Variants in ZNF618 observed in about 807,000 individuals in gnomAD.
ZNF618 encodes the protein zinc finger protein 618, also known as neural precursor cell expressed, developmentally down-regulated 10.
Under a neutral mutation model 103.0 loss-of-function variants are expected in ZNF618, and 34 were observed. The observed-to-expected ratio is 0.33, with a 90% confidence interval of 0.25 to 0.44. ZNF618 has a LOEUF of 0.44. Ranked by LOEUF, ZNF618 falls within the 20% of genes least tolerant of loss-of-function variation. ZNF618 has a pLI of 1.00. For missense variants in ZNF618, 1,059 were observed against 1,295.4 expected, an observed-to-expected ratio of 0.82 and a Z score of 2.80; for synonymous variants, 551 against 542.2, an observed-to-expected ratio of 1.02 and a Z score of -0.23.
intron 3 of ZNF618, among the ~76,000 whole-genome samples, chr9:113,989,348 A>G (rs544955631): frequency 3.3e-5 from 5 of 152,342 alleles, no homozygotes; most frequent in African/African-American, 1.2e-4. Flanking sequence ...TCTCTGGACA[A>G]ATCACACGCC....
At chr9:113,909,847 C>T (rs543684752) in intron 1 of ZNF618, among the ~76,000 whole-genome samples, 9 of 151,748 alleles carry the variant, frequency 5.9e-5, no homozygotes, top group Non-Finnish European at 8.8e-5. Flanking sequence ...TGCGGTGGCG[C>T]GGTCTCAGCT....
In ZNF618 at chr9:113,997,098, TC is replaced by T. The variant is rs767633719; in HGVS notation, c.338-1160del. On this transcript the variant is annotated intron_variant, in intron 3 of 14. Coordinates refer to ENST00000374126, the MANE Select transcript of ZNF618 (RefSeq NM_001318042.2). ...TCTTCTTCCTCTTCTTTCTTCTTCT[TC>T]TTTTTTCTTCTTTCTTTCTTTTTTT... Among the ~76,000 whole-genome samples, 31 of 152,038 alleles carry T rather than the reference TC, an allele frequency of 2.0e-4. No individual in the cohort carries two copies. In the East Asian group the frequency reaches 5.4e-3, roughly 27 times the overall value.
Position 114,052,352 on chromosome 9 carries a change from C to T in ZNF618, c.*2185C>T, listed in dbSNP as rs899493108. On this transcript the variant is annotated 3_prime_UTR_variant, in exon 15 of 15. Transcript: ENST00000374126. Reference sequence around the variant, plus strand: ...AGGAACTACCATGCCATTTCCTCTCCTGGAGAAGTTCTAGGTATTACCTCC... The same window carrying T: ...AGGAACTACCATGCCATTTCCTCTCTTGGAGAAGTTCTAGGTATTACCTCC... The T allele has an allele frequency of 6.6e-6, 1 of 152,624 alleles. No homozygotes were observed. Among genetic ancestry groups the T allele is most frequent in the African/African-American group, 2.4e-5 (1 of 41,438 alleles). The allele number at this position is 152,624 out of a possible 1,614,324, so 9.5% of individuals were successfully genotyped here. A position where few individuals can be genotyped will look rare whatever the true frequency, so the allele number is the denominator to read the frequency against.
chr9:113,900,675 G>T (rs1198914596), intron 1 of ZNF618, among the ~76,000 whole-genome samples: 2 of 147,104 alleles, frequency 1.4e-5, no homozygotes, highest in Non-Finnish European at 3.0e-5. Context: ...GTCCTCTCCC[G>T]CAAACCCGAC....
chr9:113,962,049 G>A (rs1836891996), intron 1 of ZNF618, among the ~76,000 whole-genome samples: 1 of 152,170 alleles, frequency 6.6e-6, no homozygotes, highest in African/African-American at 2.4e-5. Context: ...CACGTGCTTG[G>A]TTAATTCTTG....
chr9:113,997,044 TTCTC>T (rs964647659), intron 3 of ZNF618, among the ~76,000 whole-genome samples: 2 of 140,598 alleles, frequency 1.4e-5, no homozygotes, highest in Non-Finnish European at 3.2e-5. Flanking sequence ...CTGGTAAAGG[TTCTC>T]TCTCTCTCTT....
intron 13 of ZNF618, among the ~76,000 whole-genome samples, chr9:114,046,311 A>T (rs771753382): frequency 6.6e-5 from 10 of 152,176 alleles, no homozygotes. Context: ...AAACTATAAT[A>T]TCCTATCTTT....
At chr9:114,037,623 C>T (rs977511904) in intron 13 of ZNF618, among the ~76,000 whole-genome samples, 1 of 152,152 alleles carries the variant, frequency 6.6e-6, no homozygotes, top group African/African-American at 2.4e-5. Flanking sequence ...TGTTATTTCA[C>T]CTGTTATTGT....
At chr9:113,912,805 C>G (rs1038419346) in intron 1 of ZNF618, among the ~76,000 whole-genome samples, 1 of 152,092 alleles carries the variant, frequency 6.6e-6, no homozygotes, top group African/African-American at 2.4e-5. Context: ...ATCCCACCCC[C>G]CTTGGCCTCA....
chr9:113,966,657 G>T (rs923703284), intron 1 of ZNF618, among the ~76,000 whole-genome samples: 2 of 152,156 alleles, frequency 1.3e-5, no homozygotes, highest in African/African-American at 4.8e-5. Flanking sequence ...AGGCCCACAC[G>T]CTGTGATTGC....
chr9:113,910,239 CAGAA>C (rs1831406931), intron 1 of ZNF618, among the ~76,000 whole-genome samples: 1 of 152,170 alleles, frequency 6.6e-6, no homozygotes, highest in African/African-American at 2.4e-5. Context: ...TCCCAGACCA[CAGAA>C]AGAGAGTAGG....
intron 11 of ZNF618, 120 bp downstream of exon 11, chr9:114,029,092 T>A: frequency 7.2e-7 from 1 of 1,389,672 alleles, no homozygotes; most frequent in Non-Finnish European, 9.6e-7. Flanking sequence ...CCCGTAGTGA[T>A]CTGGGACAAA....
In ZNF618 at chr9:114,007,312, A is replaced by C. The variant is rs1187898591; in HGVS notation, c.551-38A>C. On this transcript the variant is annotated intron_variant, in intron 6 of 14. Coordinates refer to ENST00000374126, the MANE Select transcript of ZNF618 (RefSeq NM_001318042.2). The stretch of plus-strand genomic sequence containing the variant: ...GAAAAACCCCACCCCACAAGACTGA[A>C]GCCCTGGTAACCAGGTGTGTGTTTT... The C allele has an allele frequency of 2.5e-6, 4 of 1,595,638 alleles. No individual in the cohort carries two copies. In the East Asian group the frequency reaches 9.0e-5, roughly 36 times the overall value.
At chr9:114,011,232 G>C (rs1216519585) in intron 9 of ZNF618, among the ~76,000 whole-genome samples, 1 of 152,164 alleles carries the variant, frequency 6.6e-6, no homozygotes. Flanking sequence ...GGATTGTCAT[G>C]GGGCTTAGAT....
chr9:113,927,297 C>T (rs139232523), intron 1 of ZNF618, among the ~76,000 whole-genome samples: 1 of 152,296 alleles, frequency 6.6e-6, no homozygotes, highest in East Asian at 1.9e-4. Context: ...GCTGTGTTTA[C>T]AATTTATTGT....
rs1189210864 is a variant in ZNF618 at position 114,036,336 on chromosome 9, A to G, written c.1205A>G (p.Gln402Arg). The G allele has an allele frequency of 6.3e-7, 1 of 1,584,482 alleles. No homozygotes were observed. The highest frequency in any genetic ancestry group is 1.2e-5 in the South Asian group (1 of 86,280). Residue 402 changes from glutamine (Q) to arginine (R), a missense_variant, in exon 13 of 15, where the codon CAG (glutamine) becomes CGG (arginine). Around this residue, in one of 6 missense-constraint regions of ZNF618, gnomAD observed 434 missense variants for 476.0 expected, o/e 0.91. Coordinates refer to ENST00000374126, the MANE Select transcript of ZNF618 (RefSeq NM_001318042.2). ...YTCGACGIQF[Q>R]FYNNLLEHMQ... is the part of the protein sequence containing the mutation. ...TGCGGCGCCTGTGGGATCCAGTTCCAGTTCTACAACAACCTGTTGGAGCAC... is the reference window on the plus strand; with the variant it reads ...TGCGGCGCCTGTGGGATCCAGTTCCGGTTCTACAACAACCTGTTGGAGCAC...
chr9:113,967,786 C>CAG (rs59220599), intron 1 of ZNF618, among the ~76,000 whole-genome samples: 120,172 of 151,942 alleles, frequency 0.79, 47,828 homozygotes, highest in East Asian at 0.88. Flanking sequence ...TGGGACCAGA[C>CAG]GGGCTGGGTG....
chr9:114,014,484 T>C (rs1334167977), intron 9 of ZNF618, among the ~76,000 whole-genome samples: 4 of 152,322 alleles, frequency 2.6e-5, no homozygotes, highest in South Asian at 2.1e-4. Flanking sequence ...CTCCTTTTGT[T>C]AGACTGTAAA....
At chr9:113,973,596 G>A (rs1838207341) in intron 2 of ZNF618, among the ~76,000 whole-genome samples, 1 of 152,200 alleles carries the variant, frequency 6.6e-6, no homozygotes, top group Admixed American at 6.5e-5. Context: ...TGAGGTTAAT[G>A]TCGATCTGGT....
Sources: gnomAD v4.1 joint callset for allele counts (sites outside exome capture counted in the v4.1 genomes callset) on GRCh38, gnomAD v4.1.1 for gene constraint, gnomAD v4.1.1 regional missense constraint, MANE v1.5 for transcripts, NCBI Gene and HGNC (gene_info 2026-07-23, HGNC 2026-07-21) for gene names.